DCDC1: variants seen among roughly 807,000 people sequenced by gnomAD.
The protein encoded by DCDC1 is doublecortin domain containing 1, also known as doublecortin domain-containing protein 1.
Under a neutral mutation model 178.3 loss-of-function variants are expected in DCDC1, and 200 were observed. That is an observed-to-expected ratio of 1.12 (90% CI 1.00 to 1.26). The LOEUF is 1.26. Among genes scored for constraint, DCDC1 ranks in the 50% most tolerant of loss-of-function variants. DCDC1 has a pLI of 0.00. For synonymous variants in DCDC1, 690 were observed against 604.8 expected, an observed-to-expected ratio of 1.14 and a Z score of -2.07; for missense variants, 1,983 against 1,749.2, an observed-to-expected ratio of 1.13 and a Z score of -2.38.
intron 8 of DCDC1, among the ~76,000 whole-genome samples, chr11:31,249,400 G>A (rs1943808811): frequency 6.6e-6 from 1 of 152,110 alleles, no homozygotes; most frequent in Admixed American, 6.6e-5. Context: ...TCAAGCCTTA[G>A]CAAAATTCTT....
rs577760140 is a variant in DCDC1 at position 31,244,619 on chromosome 11, T to C, written c.1055-3003A>G. 5.3e-5 allele frequency among the ~76,000 whole-genome samples: 8 copies of C among 151,920 alleles called. No individual in the cohort carries two copies. In the East Asian group the frequency reaches 9.7e-4, roughly 18 times the overall value. ...TACCTAGTTTCTTCTGTTTGCATGA[T>C]TGTGGTAAGAACTTCTCTTTTGTGT... On this transcript the variant is annotated intron_variant, in intron 8 of 38. Coordinates refer to ENST00000684477, the MANE Select transcript of DCDC1 (RefSeq NM_001387274.1).
chr11:31,013,254 CCTTTT>C (rs1005851069), intron 20 of DCDC1, among the ~76,000 whole-genome samples: 1 of 152,038 alleles, frequency 6.6e-6, no homozygotes, highest in Non-Finnish European at 1.5e-5. Flanking sequence ...TATTGAATAA[CCTTTT>C]CTTTTCAAGA....
intron 9 of DCDC1, among the ~76,000 whole-genome samples, chr11:31,155,522 T>C (rs771585816): frequency 6.6e-5 from 10 of 152,224 alleles, no homozygotes; most frequent in Non-Finnish European, 1.3e-4. Flanking sequence ...GTACAGAATT[T>C]TGCATCATCA....
chr11:30,977,578 C>T (rs896781158), intron 20 of DCDC1, among the ~76,000 whole-genome samples: 1 of 152,058 alleles, frequency 6.6e-6, no homozygotes, highest in African/African-American at 2.4e-5. Context: ...TATATTTGTT[C>T]ATAAAGCATT....
intron 7 of DCDC1, among the ~76,000 whole-genome samples, chr11:31,281,452 T>G (rs1946423440): frequency 6.6e-6 from 1 of 152,120 alleles, no homozygotes; most frequent in Admixed American, 6.6e-5. Context: ...AATTTTTTTT[T>G]GTTTTTTTAA....
chr11:31,197,784 C>T (rs778633358), intron 9 of DCDC1, among the ~76,000 whole-genome samples: 1 of 152,030 alleles, frequency 6.6e-6, no homozygotes, highest in African/African-American at 2.4e-5. Context: ...ATCTATATTG[C>T]TCCTTTCCTC....
chr11:31,315,263 A>G (rs534341043), intron 3 of DCDC1, among the ~76,000 whole-genome samples: 4 of 149,030 alleles, frequency 2.7e-5, no homozygotes, highest in African/African-American at 9.9e-5. Flanking sequence ...TCCCTCAGCT[A>G]TAACTACACC....
At chr11:30,883,381 T>C (rs890602544) in intron 36 of DCDC1, 1 of 326,582 alleles carries the variant, frequency 3.1e-6, no homozygotes, top group Admixed American at 4.7e-5. Context: ...TGTCAAGACA[T>C]CAGATATTAA....
At chr11:31,062,814 A>G (rs1444405808) in intron 20 of DCDC1, among the ~76,000 whole-genome samples, 1 of 150,732 alleles carries the variant, frequency 6.6e-6, no homozygotes, top group African/African-American at 2.4e-5. Flanking sequence ...TTATTATTAT[A>G]CTTTAAGTTT....
rs892673093 is a variant in DCDC1 at position 31,127,438 on chromosome 11, A to C, written c.1485+31T>G. 6 of 695,886 alleles carry C rather than the reference A, an allele frequency of 8.6e-6. No individual in the cohort carries two copies. In the Middle Eastern group the frequency reaches 1.2e-3, roughly 135 times the overall value. 43.1% of individuals were successfully genotyped at this position (695,886 alleles called of 1,614,324 possible). A position where few individuals can be genotyped will look rare whatever the true frequency, so the allele number is the denominator to read the frequency against. ...GAGCAGAATGCTTCTGCTCTGGCTG[A>C]ATCCAATGAGAGGCACAGAACGACA... is the stretch of plus-strand genomic sequence containing the variant. On this transcript the variant is annotated intron_variant, in intron 11 of 38. Coordinates refer to ENST00000684477, the MANE Select transcript of DCDC1 (RefSeq NM_001387274.1).
chr11:31,212,673 C>T (rs1394928741), intron 9 of DCDC1, among the ~76,000 whole-genome samples: 1 of 152,036 alleles, frequency 6.6e-6, no homozygotes, highest in Non-Finnish European at 1.5e-5. Context: ...TGCAAGAAAA[C>T]GGTATATTAA....
intron 38 of DCDC1, among the ~76,000 whole-genome samples, chr11:30,877,279 C>A (rs571200914): frequency 8.9e-4 from 135 of 152,258 alleles, no homozygotes; most frequent in Middle Eastern, 6.8e-3. Context: ...GTGAACCCAG[C>A]TGAGCCATTC....
intron 9 of DCDC1, among the ~76,000 whole-genome samples, chr11:31,145,843 G>T (rs575243890): frequency 3.3e-5 from 5 of 152,164 alleles, no homozygotes; most frequent in African/African-American, 1.2e-4. Context: ...AATATGTGCA[G>T]TGTGGCTGCA....
chr11:30,929,504 G>A (rs996238624), intron 22 of DCDC1, among the ~76,000 whole-genome samples: 1 of 152,024 alleles, frequency 6.6e-6, no homozygotes, highest in Non-Finnish European at 1.5e-5. Context: ...TTGGAAAGTG[G>A]TGGTGGGTGG....
intron 9 of DCDC1, among the ~76,000 whole-genome samples, chr11:31,208,361 A>G (rs1183853791): frequency 6.6e-6 from 1 of 152,118 alleles, no homozygotes; most frequent in African/African-American, 2.4e-5. Flanking sequence ...TATCCAATCC[A>G]ATGGTAGATT....
chr11:31,165,292 T>C (rs1966671815), intron 9 of DCDC1, among the ~76,000 whole-genome samples: 1 of 152,168 alleles, frequency 6.6e-6, no homozygotes, highest in African/African-American at 2.4e-5. Flanking sequence ...ATTTCTCATA[T>C]TATACATGAT....
intron 9 of DCDC1, among the ~76,000 whole-genome samples, chr11:31,217,306 GTA>G (rs1973709926): frequency 6.6e-6 from 1 of 152,112 alleles, no homozygotes; most frequent in South Asian, 2.1e-4. Flanking sequence ...AAATTTTTAT[GTA>G]TAATCTGAAC....
At chr11:31,153,807 C>CACACACAA (rs1965432903) in intron 9 of DCDC1, among the ~76,000 whole-genome samples, 1 of 149,520 alleles carries the variant, frequency 6.7e-6, no homozygotes, top group Admixed American at 6.6e-5. Flanking sequence ...CACACACACA[C>CACACACAA]ACACACACAC....
At chr11:31,089,359 A>AT (rs1957662665) in intron 17 of DCDC1, among the ~76,000 whole-genome samples, 1 of 151,934 alleles carries the variant, frequency 6.6e-6, no homozygotes, top group South Asian at 2.1e-4. Flanking sequence ...TGCTTTTAAG[A>AT]TTTTCTCTTT....
Sources: allele counts gnomAD v4.1 joint callset (sites outside exome capture counted in the v4.1 genomes callset), GRCh38; gene constraint gnomAD v4.1.1; transcripts MANE v1.5; gene names NCBI Gene and HGNC (gene_info 2026-07-23, HGNC 2026-07-21).